The following SLC7A2 variants were observed in gnomAD, a reference collection of about 807,000 sequenced individuals.
SLC7A2 encodes the protein cationic amino acid transporter 2.
Under a neutral mutation model 58.9 loss-of-function variants are expected in SLC7A2, and 48 were observed. The observed-to-expected ratio is 0.82, with a 90% CI of 0.65 to 1.04. The LOEUF (loss-of-function observed/expected upper bound fraction) is 1.04, where lower values mean the gene tolerates loss of function less well. Among genes scored for constraint, SLC7A2 ranks in the 50% least tolerant of loss-of-function variants. SLC7A2 has a pLI of 0.00. For missense variants in SLC7A2, 1,029 were observed against 818.8 expected, an observed-to-expected ratio of 1.26 and a Z score of -3.13; for synonymous variants, 363 against 314.5, an observed-to-expected ratio of 1.15 and a Z score of -1.63.
In SLC7A2 at chr8:17,544,653, G is replaced by T. The variant is rs571853644; in HGVS notation, c.532+47G>T. The T allele has an allele frequency of 5.6e-5, 87 of 1,558,554 alleles. No individual in the cohort carries two copies. In the African/African-American group the frequency reaches 1.1e-3, roughly 20 times the overall value. ...CTCTGCAGAATGAGCCACACTATTT[G>T]TCTCAGGAAAATAGGTTACTTCTGA... On this transcript the variant is annotated intron_variant, in intron 4 of 12. Coordinates refer to ENST00000494857, the MANE Select transcript of SLC7A2 (RefSeq NM_001370338.1).
intron 2 of SLC7A2, among the ~76,000 whole-genome samples, chr8:17,522,869 C>G (rs538308497): frequency 2.6e-5 from 4 of 152,042 alleles, no homozygotes; most frequent in African/African-American, 9.6e-5. Flanking sequence ...CACCCTACCT[C>G]TATAAAAAAA....
chr8:17,558,269 T>C, intron 8 of SLC7A2, 26 bp from the exon 9 acceptor site: 1 of 1,508,660 alleles, frequency 6.6e-7, no homozygotes, highest in Non-Finnish European at 9.2e-7. Flanking sequence ...GCCGTTTACT[T>C]CACCGTTCTT....
chr8:17,560,084 G>T (rs1802892381), intron 9 of SLC7A2, among the ~76,000 whole-genome samples: 1 of 151,932 alleles, frequency 6.6e-6, no homozygotes, highest in African/African-American at 2.4e-5. Flanking sequence ...TCACTTTCTT[G>T]TGCCATCTAT....
chr8:17,546,574 G>A lies in SLC7A2; in HGVS notation c.532+1968G>A, dbSNP rs1185546981. On this transcript the variant is annotated intron_variant, in intron 4 of 12. Transcript: ENST00000494857. Reference sequence around the variant, plus strand: ...GGAAACTTACATGAAATATAAAGGTGGCTTTGTTATTCTCTGAGGTATATA... The same window carrying A: ...GGAAACTTACATGAAATATAAAGGTAGCTTTGTTATTCTCTGAGGTATATA... Among the ~76,000 whole-genome samples the A allele has an allele frequency of 2.6e-5, 4 of 152,256 alleles. No individual in the cohort carries two copies. The South Asian group carries it at 6.2e-4, about 24-fold the overall frequency.
intron 9 of SLC7A2, among the ~76,000 whole-genome samples, chr8:17,559,076 C>G (rs75571935): frequency 0.053 from 8,092 of 152,032 alleles, 243 homozygotes; most frequent in East Asian, 0.077. Flanking sequence ...CTCCTGTATA[C>G]TTTCATGTAT....
At chr8:17,507,168 A>G (rs1800402433) in intron 2 of SLC7A2, among the ~76,000 whole-genome samples, 2 of 151,968 alleles carry the variant, frequency 1.3e-5, no homozygotes, top group Admixed American at 1.3e-4. Flanking sequence ...GATGGTCTTG[A>G]TCTGCTGACC....
At chr8:17,506,180 A>T (rs753678103) in intron 2 of SLC7A2, among the ~76,000 whole-genome samples, 1 of 152,232 alleles carries the variant, frequency 6.6e-6, no homozygotes, top group African/African-American at 2.4e-5. Flanking sequence ...GCACTTTTAC[A>T]TGCCATTCAG....
At chr8:17,555,152 A>G (rs1355759032) in intron 8 of SLC7A2, 1 of 1,468,828 alleles carries the variant, frequency 6.8e-7, no homozygotes, top group Non-Finnish European at 9.4e-7. Context: ...TGGACTTATA[A>G]AGAGGGTCTG....
rs562825822 is a variant in SLC7A2, at chr8:17,534,881, C to T, written c.-22-8437C>T. Among the ~76,000 whole-genome samples the T allele has an allele frequency of 5.3e-5, 8 of 152,080 alleles. No homozygotes were observed. In the South Asian group the frequency reaches 1.5e-3, roughly 28 times the overall value. On this transcript the variant is annotated intron_variant, in intron 2 of 12. Transcript: ENST00000494857. ...AGTCTACAAATCCGTGTGTCCCTTC[C>T]CACTCATCCTCTTCCTTGACTCTCA...
intron 2 of SLC7A2, among the ~76,000 whole-genome samples, chr8:17,504,743 A>T (rs1477033384): frequency 2.0e-5 from 3 of 152,232 alleles, no homozygotes; most frequent in African/African-American, 7.2e-5. Context: ...ATACTGTTTG[A>T]GCAGTCTCTG....
chr8:17,525,142 A>G (rs1801173674), intron 2 of SLC7A2, among the ~76,000 whole-genome samples: 1 of 152,160 alleles, frequency 6.6e-6, no homozygotes, highest in African/African-American at 2.4e-5. Flanking sequence ...AAGTTGAATA[A>G]TGGGTTTCTT....
intron 10 of SLC7A2, 26 bp from the exon 11 acceptor site, chr8:17,561,918 T>C (rs1472716009): frequency 2.5e-6 from 4 of 1,611,118 alleles, no homozygotes; most frequent in African/African-American, 1.3e-5. Flanking sequence ...GTGTGCTGAC[T>C]CTGTTATCTA....
chr8:17,554,410 TA>T, intron 7 of SLC7A2, 149 bp from the exon 8 acceptor site: 1 of 604,842 alleles, frequency 1.7e-6, no homozygotes, highest in Non-Finnish European at 2.5e-6. Context: ...ATAGTGCATT[TA>T]AAAAATAATG....
rs193092835 is a variant in SLC7A2, at chr8:17,525,927, A to G, written c.-22-17391A>G. On this transcript the variant is annotated intron_variant, in intron 2 of 12. Coordinates refer to ENST00000494857, the MANE Select transcript of SLC7A2 (RefSeq NM_001370338.1). Reference sequence around the variant, plus strand: ...AGCTTTACTTTTTGGTAGTATTCATAGAATGTTTGTCTTTTTTCATGATGG... The same window carrying G: ...AGCTTTACTTTTTGGTAGTATTCATGGAATGTTTGTCTTTTTTCATGATGG... 5.5e-4 allele frequency among the ~76,000 whole-genome samples: 83 copies of G among 152,184 alleles called. 1 individual carries two copies. The highest frequency in any genetic ancestry group is 1.8e-3 in the African/African-American group (73 of 41,430).
At chr8:17,515,226 G>A (rs1424607775) in intron 2 of SLC7A2, among the ~76,000 whole-genome samples, 1 of 152,040 alleles carries the variant, frequency 6.6e-6, no homozygotes, top group East Asian at 1.9e-4. Context: ...CAATAATGAG[G>A]ACATAGCTTG....
intron 7 of SLC7A2, among the ~76,000 whole-genome samples, chr8:17,553,962 A>C (rs2705065): frequency 0.95 from 144,126 of 152,244 alleles, 68,332 homozygotes; most frequent in East Asian, 1. Context: ...CTGTGGCCAC[A>C]TCTGTATACT....
At chr8:17,529,046 A>T (rs188752262) in intron 2 of SLC7A2, among the ~76,000 whole-genome samples, 10 of 152,322 alleles carry the variant, frequency 6.6e-5, no homozygotes, top group Admixed American at 2.6e-4. Flanking sequence ...TGATGTTAAG[A>T]TTTCTAAAAT....
chr8:17,548,484 T>G (rs1467712813), intron 4 of SLC7A2, among the ~76,000 whole-genome samples, 194 bp from the exon 5 acceptor site: 1 of 152,198 alleles, frequency 6.6e-6, no homozygotes, highest in Admixed American at 6.5e-5. Context: ...CCTCCGAAAT[T>G]GAGTTGGTTG....
intron 10 of SLC7A2, 50 bp from the exon 11 acceptor site, chr8:17,561,894 C>G (rs762012001): frequency 6.3e-6 from 10 of 1,581,086 alleles, no homozygotes; most frequent in South Asian, 1.1e-5. Flanking sequence ...ACCAAGCAAT[C>G]TGGGTGGAGC....
Sources: allele counts gnomAD v4.1 joint callset (sites outside exome capture counted in the v4.1 genomes callset), GRCh38; gene constraint gnomAD v4.1.1; transcripts MANE v1.5; gene names NCBI Gene and HGNC (gene_info 2026-07-23, HGNC 2026-07-21).